The following ERC2 variants were observed in gnomAD, a reference collection of about 807,000 sequenced individuals.
ERC2 encodes ELKS/RAB6-interacting/CAST family member 2.
ERC2 carries 42 observed loss-of-function variants against 114.8 expected under a neutral mutation model. That is an observed-to-expected ratio of 0.37 (90% CI 0.29 to 0.47). The LOEUF (loss-of-function observed/expected upper bound fraction) is 0.47. Ranked by LOEUF, ERC2 falls within the 20% of genes least tolerant of loss-of-function variation. The pLI is 0.99. For synonymous variants in ERC2, 454 were observed against 425.5 expected, an observed-to-expected ratio of 1.07 and a Z score of -0.82; for missense variants, 939 against 1,150.7, an observed-to-expected ratio of 0.82 and a Z score of 2.66.
chr3:56,088,927 T>C (rs1181729873), intron 6 of ERC2, among the ~76,000 whole-genome samples: 1 of 152,202 alleles, frequency 6.6e-6, no homozygotes, highest in African/African-American at 2.4e-5. Context: ...CAGTGATTTA[T>C]ATACCGCAGG....
At chr3:56,213,829 C>T (rs575567003) in intron 3 of ERC2, among the ~76,000 whole-genome samples, 2 of 152,188 alleles carry the variant, frequency 1.3e-5, no homozygotes, top group Non-Finnish European at 2.9e-5. Context: ...TCCAGAGGAA[C>T]AGCAACATCT....
intron 3 of ERC2, among the ~76,000 whole-genome samples, chr3:56,268,591 T>G (rs115856268): frequency 6.6e-6 from 1 of 152,212 alleles, no homozygotes; most frequent in Admixed American, 6.5e-5. Flanking sequence ...ATACAGAATT[T>G]ATATTTGCTA....
intron 2 of ERC2, among the ~76,000 whole-genome samples, chr3:56,382,875 G>A (rs1336463966): frequency 1.3e-5 from 2 of 152,086 alleles, no homozygotes; most frequent in East Asian, 3.9e-4. Context: ...TCACTTGGAT[G>A]TCTAATAGAT....
At chr3:55,964,760 T>C (rs901378601) in intron 12 of ERC2, among the ~76,000 whole-genome samples, 1 of 152,234 alleles carries the variant, frequency 6.6e-6, no homozygotes, top group Non-Finnish European at 1.5e-5. Flanking sequence ...AATTCTCATC[T>C]GCAGGCTTAA....
intron 2 of ERC2, among the ~76,000 whole-genome samples, chr3:56,424,181 C>T (rs1039018125): frequency 2.6e-4 from 39 of 152,128 alleles, no homozygotes; most frequent in Non-Finnish European, 5.1e-4. Context: ...TGGGAGTGAC[C>T]ACTCCTCCTG....
At chr3:55,747,538 AG>A (rs2066385152) in intron 14 of ERC2, among the ~76,000 whole-genome samples, 4 of 152,260 alleles carry the variant, frequency 2.6e-5, no homozygotes, top group Admixed American at 2.6e-4. Context: ...CGTAAGGAAA[AG>A]AAATGAGACA....
chr3:56,414,698 C>T (rs34421578), intron 2 of ERC2, among the ~76,000 whole-genome samples: 51,003 of 148,568 alleles, frequency 0.34, 9,522 homozygotes, highest in East Asian at 0.65. Flanking sequence ...ACGCTCCACC[C>T]AGGGCGACAG....
intron 3 of ERC2, among the ~76,000 whole-genome samples, chr3:56,220,877 C>G (rs2049856048): frequency 6.6e-6 from 1 of 151,704 alleles, no homozygotes; most frequent in Non-Finnish European, 1.5e-5. Context: ...TCCTCTCCAC[C>G]AACTATAGAA....
intron 17 of ERC2, among the ~76,000 whole-genome samples, chr3:55,583,164 T>A (rs1349633598): frequency 6.6e-6 from 1 of 152,144 alleles, no homozygotes; most frequent in African/African-American, 2.4e-5. Context: ...GGGACTTGGA[T>A]CATTTACTCG....
chr3:55,653,155 C>A (rs997755843), intron 17 of ERC2, among the ~76,000 whole-genome samples: 8 of 152,090 alleles, frequency 5.3e-5, no homozygotes, highest in African/African-American at 1.9e-4. Context: ...GAAGTGACAT[C>A]TTTAGTTTTA....
rs551953939 is a variant in ERC2, at chr3:56,259,868, G to A, written c.1074+36151C>T. Among the ~76,000 whole-genome samples the A allele has an allele frequency of 6.6e-5, 10 of 152,226 alleles. No individual in the cohort carries two copies. The South Asian group carries it at 2.1e-3, about 32-fold the overall frequency. On this transcript the variant is annotated intron_variant, in intron 3 of 17. Coordinates refer to ENST00000288221, the MANE Select transcript of ERC2 (RefSeq NM_015576.3). Reference sequence around the variant, plus strand: ...CAGCTTTTGGCTGGATCTATAAAAGGTAAATTCAAGAGCTATGGGTTGGCT... The same window carrying A: ...CAGCTTTTGGCTGGATCTATAAAAGATAAATTCAAGAGCTATGGGTTGGCT...
chr3:55,609,732 G>A (rs1203209825), intron 17 of ERC2, among the ~76,000 whole-genome samples: 1 of 152,066 alleles, frequency 6.6e-6, no homozygotes, highest in Non-Finnish European at 1.5e-5. Context: ...CGGTTTTTGA[G>A]TTATTTAAAG....
At chr3:56,216,884 C>G (rs992258443) in intron 3 of ERC2, among the ~76,000 whole-genome samples, 3 of 152,156 alleles carry the variant, frequency 2.0e-5, no homozygotes, top group Non-Finnish European at 4.4e-5. Context: ...GAACCAAAGA[C>G]AAAAACCACA....
chr3:55,960,305 C>A (rs142710436), intron 12 of ERC2, among the ~76,000 whole-genome samples: 10 of 152,318 alleles, frequency 6.6e-5, no homozygotes, highest in African/African-American at 2.4e-4. Context: ...GCCCCAGAAT[C>A]AGGAATTCAG....
intron 16 of ERC2, among the ~76,000 whole-genome samples, chr3:55,688,868 C>A (rs866289266): frequency 9.2e-5 from 14 of 152,276 alleles, no homozygotes; most frequent in Admixed American, 1.3e-4. Flanking sequence ...GAATATGCTT[C>A]CTGGATTCCC....
At chr3:55,618,072 T>C (rs1192031133) in intron 17 of ERC2, among the ~76,000 whole-genome samples, 1 of 151,998 alleles carries the variant, frequency 6.6e-6, no homozygotes, top group East Asian at 1.9e-4. Context: ...ATATGGGCAG[T>C]CATAAGATTG....
At chr3:55,517,039 C>T (rs1038969187) in intron 17 of ERC2, among the ~76,000 whole-genome samples, 6 of 152,238 alleles carry the variant, frequency 3.9e-5, no homozygotes, top group Admixed American at 2.6e-4. Context: ...GAGACCACTG[C>T]CTCCTTGAGG....
chr3:55,749,260 C>T (rs1004122050), intron 14 of ERC2, among the ~76,000 whole-genome samples: 2 of 152,198 alleles, frequency 1.3e-5, no homozygotes, highest in African/African-American at 2.4e-5. Flanking sequence ...CCCTGCAATA[C>T]CGATCTGTTG....
In ERC2 at chr3:56,228,138, C is replaced by T. The variant is rs80337357; in HGVS notation, c.1075-54618G>A. ...TGGTCTGCTGGGGACAGGAAACTTC[C>T]TATATTTTCATCTGAGTGGTGATGA... On this transcript the variant is annotated intron_variant, in intron 3 of 17. Coordinates refer to ENST00000288221, the MANE Select transcript of ERC2 (RefSeq NM_015576.3). 6.4e-3 allele frequency among the ~76,000 whole-genome samples: 967 copies of T among 152,236 alleles called. 2 individuals are homozygous for T. Among genetic ancestry groups the T allele is most frequent in the Non-Finnish European group, 1.0e-2 (679 of 68,006 alleles).
Sources: allele counts gnomAD v4.1 joint callset (sites outside exome capture counted in the v4.1 genomes callset), GRCh38; gene constraint gnomAD v4.1.1; transcripts MANE v1.5; gene names NCBI Gene and HGNC (gene_info 2026-07-23, HGNC 2026-07-21).